SLC6A2: variants seen among roughly 807,000 people sequenced by gnomAD.
SLC6A2 encodes the protein solute carrier family 6 member 2.
Under a neutral mutation model 71.7 loss-of-function variants are expected in SLC6A2, and 26 were observed. The observed-to-expected ratio is 0.36, with a 90% CI of 0.27 to 0.50. The LOEUF (loss-of-function observed/expected upper bound fraction) is 0.50. Among genes scored for constraint, SLC6A2 ranks in the 20% least tolerant of loss-of-function variants. The pLI is 0.96. For synonymous variants in SLC6A2, 363 were observed against 337.9 expected, an observed-to-expected ratio of 1.07 and a Z score of -0.82; for missense variants, 581 against 803.9, an observed-to-expected ratio of 0.72 and a Z score of 3.35.
At chr16:55,698,753 T>G (rs1162506782) in intron 11 of SLC6A2, among the ~76,000 whole-genome samples, 185 bp downstream of exon 11, 1 of 152,150 alleles carries the variant, frequency 6.6e-6, no homozygotes, top group African/African-American at 2.4e-5. Flanking sequence ...AACAGGAGGC[T>G]GCAAAGGCCC....
intron 2 of SLC6A2, among the ~76,000 whole-genome samples, chr16:55,664,294 A>G (rs1343090352): frequency 1.3e-5 from 2 of 152,110 alleles, no homozygotes; most frequent in African/African-American, 2.4e-5. Context: ...TTCATGCAGC[A>G]CTACAGGGCA....
At chr16:55,669,828 A>T in intron 3 of SLC6A2, 132 bp downstream of exon 3, 1 of 976,008 alleles carries the variant, frequency 1.0e-6, no homozygotes, top group Non-Finnish European at 1.6e-6. Context: ...GACAAGGTCA[A>T]CAGTGTCCCC....
In SLC6A2 at chr16:55,705,677, C is replaced by T. The variant is rs1479512854; in HGVS notation, c.*3331C>T. The T allele has an allele frequency of 1.2e-5, 2 of 160,694 alleles. No homozygotes were observed. Among genetic ancestry groups the T allele is most frequent in the Non-Finnish European group, 2.7e-5 (2 of 73,810 alleles). The allele number at this position is 160,694 out of a possible 1,614,324, so 10.0% of individuals were successfully genotyped here. A position where few individuals can be genotyped will look rare whatever the true frequency, so the allele number is the denominator to read the frequency against. On this transcript the variant is annotated 3_prime_UTR_variant, in exon 15 of 15. Coordinates refer to ENST00000568943, the MANE Select transcript of SLC6A2 (RefSeq NM_001172501.3). The stretch of plus-strand genomic sequence containing the variant: ...AACCCTGCATGTATCCATAATGATG[C>T]TCTCCTGTTAAATTTACAATGAAGG...
intron 13 of SLC6A2, among the ~76,000 whole-genome samples, chr16:55,701,250 C>T (rs535456286): frequency 9.2e-5 from 14 of 152,296 alleles, no homozygotes; most frequent in African/African-American, 2.6e-4. Context: ...CTTTGTGATA[C>T]ATTTCCTGTC....
chr16:55,704,870 G>T lies in SLC6A2; in HGVS notation c.*2524G>T, dbSNP rs1391973447. The T allele has an allele frequency of 5.5e-6, 1 of 181,444 alleles. No individual in the cohort carries two copies. The highest frequency in any genetic ancestry group is 1.1e-5 in the Non-Finnish European group (1 of 87,760). The allele number at this position is 181,444 out of a possible 1,614,324, so 11.2% of individuals were successfully genotyped here. ...GGGATGGGAACCTGGCTCCAAGCCT[G>T]GGTCCCCTGGGAGGGTGGGGGTACC... On this transcript the variant is annotated 3_prime_UTR_variant, in exon 15 of 15. Coordinates refer to ENST00000568943, the MANE Select transcript of SLC6A2 (RefSeq NM_001172501.3).
chr16:55,692,186 T>C, intron 6 of SLC6A2, 134 bp downstream of exon 6: 1 of 1,054,046 alleles, frequency 9.5e-7, no homozygotes, highest in South Asian at 1.3e-5. Context: ...CTTCCCTGTC[T>C]GAGGTGCAGC....
chr16:55,675,328 C>T (rs1419330181), intron 4 of SLC6A2, among the ~76,000 whole-genome samples: 3 of 152,194 alleles, frequency 2.0e-5, no homozygotes, highest in African/African-American at 7.2e-5. Flanking sequence ...GGATAGATTC[C>T]ACCAGAACTC....
At chr16:55,692,294 A>G (rs1381937911) in intron 6 of SLC6A2, among the ~76,000 whole-genome samples, 2 of 152,216 alleles carry the variant, frequency 1.3e-5, no homozygotes, top group African/African-American at 4.8e-5. Flanking sequence ...GGTGGTCTTC[A>G]CAGACTACTC....
chr16:55,701,951 C>T lies in SLC6A2; in HGVS notation c.1830+17C>T. The T allele has an allele frequency of 1.9e-6, 3 of 1,598,600 alleles. No individual in the cohort carries two copies. Among genetic ancestry groups the T allele is most frequent in the Non-Finnish European group, 1.7e-6 (2 of 1,165,792 alleles). Reference sequence around the variant, plus strand: ...CAGTTCCAGGTGGGTGAAGCCTAGACCCCTGGGGTGGAGATTACAAGGGCG... The same window carrying T: ...CAGTTCCAGGTGGGTGAAGCCTAGATCCCTGGGGTGGAGATTACAAGGGCG... On this transcript the variant is annotated intron_variant, in intron 14 of 14. Transcript: ENST00000568943.
chr16:55,667,446 C>A (rs1490876592), intron 2 of SLC6A2, among the ~76,000 whole-genome samples: 1 of 152,188 alleles, frequency 6.6e-6, no homozygotes, highest in Non-Finnish European at 1.5e-5. Flanking sequence ...AACTTGTGTG[C>A]AGCTTGGCAT....
chr16:55,702,552 A>C lies in SLC6A2; in HGVS notation c.*206A>C. ...TCTGGCCTGGGGGCTGTTAGCTCAG[A>C]GGAGAGGAGCAAACAGGAAAATGAC... On this transcript the variant is annotated 3_prime_UTR_variant, in exon 15 of 15. Coordinates refer to ENST00000568943, the MANE Select transcript of SLC6A2 (RefSeq NM_001172501.3). 6.8e-7 allele frequency: 1 copy of C among 1,470,844 alleles called. No individual in the cohort carries two copies. The highest frequency in any genetic ancestry group is 1.4e-5 in the South Asian group (1 of 71,654). The allele number at this position is 1,470,844 out of a possible 1,614,324, so 91.1% of individuals were successfully genotyped here. A position where few individuals can be genotyped will look rare whatever the true frequency, so the allele number is the denominator to read the frequency against.
intron 5 of SLC6A2, among the ~76,000 whole-genome samples, chr16:55,690,704 TG>T (rs1190749675): frequency 1.3e-5 from 2 of 152,164 alleles, no homozygotes; most frequent in Admixed American, 1.3e-4. Flanking sequence ...TTTTATCATC[TG>T]GGGAGCTTTA....
chr16:55,678,581 G>C lies in SLC6A2; in HGVS notation c.644+6406G>C, dbSNP rs534010312. The stretch of plus-strand genomic sequence containing the variant: ...AAGCCAAGCAGCCCCACAGCTAAAA[G>C]AAACTCTGCAGCTCTGTAACTTTAT... On this transcript the variant is annotated intron_variant, in intron 4 of 14. Transcript: ENST00000568943. 1.1e-3 allele frequency among the ~76,000 whole-genome samples: 170 copies of C among 152,238 alleles called. 1 individual carries two copies. The highest frequency in any genetic ancestry group is 2.6e-3 in the Admixed American group (39 of 15,294).
chr16:55,664,040 A>C (rs1395493927), intron 2 of SLC6A2, among the ~76,000 whole-genome samples: 1 of 152,164 alleles, frequency 6.6e-6, no homozygotes, highest in East Asian at 1.9e-4. Context: ...ATGGTGGCCA[A>C]ACATGCCTAT....
intron 10 of SLC6A2, 90 bp downstream of exon 10, chr16:55,698,115 G>T: frequency 7.2e-7 from 1 of 1,394,494 alleles, no homozygotes; most frequent in South Asian, 1.2e-5. Context: ...AACTGGGGCT[G>T]AGCTCAGGGA....
intron 2 of SLC6A2, among the ~76,000 whole-genome samples, chr16:55,661,695 T>A (rs1298937044): frequency 2.0e-5 from 3 of 152,154 alleles, no homozygotes; most frequent in Non-Finnish European, 4.4e-5. Flanking sequence ...GGGATGGGCT[T>A]TGCTCCATTT....
intron 11 of SLC6A2, 120 bp downstream of exon 11, chr16:55,698,688 C>A: frequency 2.7e-6 from 2 of 747,762 alleles, no homozygotes; most frequent in South Asian, 1.5e-5. Context: ...TCCAGCAAGT[C>A]ACTTATTGGG....
In SLC6A2 at chr16:55,704,357, A is replaced by G. The variant is rs916150424; in HGVS notation, c.*2011A>G. On this transcript the variant is annotated 3_prime_UTR_variant, in exon 15 of 15. Coordinates refer to ENST00000568943, the MANE Select transcript of SLC6A2 (RefSeq NM_001172501.3). The stretch of plus-strand genomic sequence containing the variant: ...ACTAACAGATCGAGTTGGGCCTTCA[A>G]TTCACATCCACTGACTCTCAGCCCA... The G allele has an allele frequency of 2.6e-5, 4 of 152,266 alleles. No homozygotes were observed. Among genetic ancestry groups the G allele is most frequent in the East Asian group, 1.9e-4 (1 of 5,174 alleles). 9.4% of individuals were successfully genotyped at this position (152,266 alleles called of 1,614,324 possible).
rs1221962638 is a variant in SLC6A2 at position 55,702,758 on chromosome 16, A to AG, written c.*412_*413insG. The AG allele has an allele frequency of 1.0e-5, 11 of 1,050,104 alleles. No homozygotes were observed. In the African/African-American group the frequency reaches 2.0e-4, roughly 19 times the overall value. The allele number at this position is 1,050,104 out of a possible 1,614,324, so 65.0% of individuals were successfully genotyped here. ...TCAGATACCCCTCCCAAAAAAAAAAAAAACTAAAACTAAAGCAAAAATCAA... is the reference window on the plus strand; with the variant it reads ...TCAGATACCCCTCCCAAAAAAAAAAAGAAACTAAAACTAAAGCAAAAATCAA... On this transcript the variant is annotated 3_prime_UTR_variant, in exon 15 of 15. Transcript: ENST00000568943.
Sources: allele counts gnomAD v4.1 joint callset (sites outside exome capture counted in the v4.1 genomes callset), GRCh38; gene constraint gnomAD v4.1.1; transcripts MANE v1.5; gene names NCBI Gene and HGNC (gene_info 2026-07-23, HGNC 2026-07-21).